Variants in PDZRN4 observed in about 807,000 individuals in gnomAD.
PDZRN4 encodes the protein PDZ domain-containing RING finger protein 4.
Under a neutral mutation model 99.0 loss-of-function variants are expected in PDZRN4, and 70 were observed. The ratio of observed to expected loss-of-function variants is 0.71; its 90% CI spans 0.58 to 0.86. PDZRN4 has a LOEUF of 0.86. PDZRN4 is among the 40% of genes least tolerant of loss of function. The pLI, the probability that PDZRN4 is intolerant of heterozygous loss-of-function variation, is 0.00. For synonymous variants in PDZRN4, 551 were observed against 501.6 expected, an observed-to-expected ratio of 1.10 and a Z score of -1.32; for missense variants, 1,474 against 1,331.2, an observed-to-expected ratio of 1.11 and a Z score of -1.67.
chr12:41,551,172 T>G (rs1442301891), intron 5 of PDZRN4, among the ~76,000 whole-genome samples: 1 of 152,106 alleles, frequency 6.6e-6, no homozygotes, highest in Non-Finnish European at 1.5e-5. Context: ...GGTGAGGGCC[T>G]GTTCCTCATA....
intron 9 of PDZRN4, among the ~76,000 whole-genome samples, chr12:41,569,172 T>A (rs1011726849): frequency 2.6e-5 from 4 of 151,392 alleles, no homozygotes; most frequent in Non-Finnish European, 2.9e-5. Flanking sequence ...CAGGCTGGAG[T>A]GCAGTGACAC....
At chr12:41,270,599 C>T (rs2120858207) in intron 3 of PDZRN4, among the ~76,000 whole-genome samples, 1 of 152,192 alleles carries the variant, frequency 6.6e-6, no homozygotes, top group African/African-American at 2.4e-5. Context: ...TTTATTCCAT[C>T]TTATCTTCAC....
chr12:41,439,455 T>C (rs569776722), intron 3 of PDZRN4, among the ~76,000 whole-genome samples: 3 of 152,242 alleles, frequency 2.0e-5, no homozygotes, highest in Admixed American at 1.3e-4. Context: ...TTAATCTGAA[T>C]TACTAAATTT....
intron 3 of PDZRN4, among the ~76,000 whole-genome samples, chr12:41,317,573 T>C (rs1413096917): frequency 6.6e-6 from 1 of 152,138 alleles, no homozygotes; most frequent in Admixed American, 6.6e-5. Context: ...TGAGATTGTT[T>C]TTTTCCTTTG....
chr12:41,207,852 G>GT (rs1389799039), intron 3 of PDZRN4, among the ~76,000 whole-genome samples: 1 of 151,656 alleles, frequency 6.6e-6, no homozygotes, highest in Non-Finnish European at 1.5e-5. Flanking sequence ...TAAACATGCT[G>GT]TAACATTTTG....
intron 3 of PDZRN4, among the ~76,000 whole-genome samples, chr12:41,456,385 C>G (rs964165782): frequency 6.6e-6 from 1 of 151,928 alleles, no homozygotes. Flanking sequence ...TTTTCACTGC[C>G]CTACCTCATC....
intron 3 of PDZRN4, among the ~76,000 whole-genome samples, chr12:41,395,345 G>A (rs1163695997): frequency 1.3e-5 from 2 of 152,158 alleles, no homozygotes; most frequent in African/African-American, 4.8e-5. Flanking sequence ...GGAGAAATGG[G>A]AGACATAAAG....
At position 41,574,502 on chromosome 12, in the gene PDZRN4, T is replaced by C. The variant is rs1468188319; in HGVS notation, c.*612T>C. On this transcript the variant is annotated 3_prime_UTR_variant, in exon 10 of 10. Coordinates refer to ENST00000402685, the MANE Select transcript of PDZRN4 (RefSeq NM_001164595.2). Reference sequence around the variant, plus strand: ...GTAGGTGGACAATCTTCCTGTGATATGTAGTGACATTGGTCATGTAGCTAG... The same window carrying C: ...GTAGGTGGACAATCTTCCTGTGATACGTAGTGACATTGGTCATGTAGCTAG... 2 of 152,666 alleles carry C rather than the reference T, an allele frequency of 1.3e-5. No individual in the cohort carries two copies. Among genetic ancestry groups the C allele is most frequent in the Non-Finnish European group, 2.9e-5 (2 of 68,046 alleles). 9.5% of individuals were successfully genotyped at this position (152,666 alleles called of 1,614,324 possible).
intron 4 of PDZRN4, among the ~76,000 whole-genome samples, chr12:41,507,534 C>T (rs1201975527): frequency 1.3e-5 from 2 of 152,090 alleles, no homozygotes; most frequent in Non-Finnish European, 2.9e-5. Context: ...ACTTTCCTGC[C>T]CTTTGATGGC....
Position 41,188,489 on chromosome 12 carries a change from G to A in PDZRN4, c.34G>A (p.Val12Met), listed in dbSNP as rs780022184. 7 of 1,592,238 alleles carry A rather than the reference G, an allele frequency of 4.4e-6. No individual in the cohort carries two copies. The highest frequency in any genetic ancestry group is 2.3e-5 in the East Asian group (1 of 44,264). The stretch of plus-strand genomic sequence containing the variant: ...TGCCCTGGAGCGCTTCGCAGAAGCC[G>A]TGGACCCGGCTCTGGAGTGCAAACT... ...GFALERFAEA[V>M]DPALECKLCG... The change falls in exon 1 of 10, where the codon GTG becomes ATG. Residue 12 changes from valine (V) to methionine (M), a missense_variant. Physicochemically the swap from Val to Met is conservative, Grantham distance 21. Coordinates refer to ENST00000402685, the MANE Select transcript of PDZRN4 (RefSeq NM_001164595.2).
intron 3 of PDZRN4, among the ~76,000 whole-genome samples, chr12:41,446,920 T>A (rs976464283): frequency 2.0e-5 from 3 of 151,598 alleles, no homozygotes; most frequent in African/African-American, 7.3e-5. Context: ...GTGTTTGATG[T>A]CCAGGATGTA....
At chr12:41,530,221 A>G (rs1395753995) in intron 5 of PDZRN4, among the ~76,000 whole-genome samples, 2 of 152,250 alleles carry the variant, frequency 1.3e-5, no homozygotes, top group East Asian at 1.9e-4. Context: ...CATGATCATG[A>G]CATTGCAGTT....
intron 3 of PDZRN4, among the ~76,000 whole-genome samples, chr12:41,330,361 G>C (rs1951734575): frequency 6.6e-6 from 1 of 151,896 alleles, no homozygotes; most frequent in Admixed American, 6.6e-5. Flanking sequence ...TGAACCACCT[G>C]ACCTGACTAT....
chr12:41,550,334 C>T lies in PDZRN4; in HGVS notation c.1204-2322C>T, dbSNP rs118002379. On this transcript the variant is annotated intron_variant, in intron 5 of 9. Transcript: ENST00000402685. ...TGATTTAAAGGTCCCAATCTCAGCT[C>T]GTTTTGGAGTGTGTAGTTTTCCTTA... Among the ~76,000 whole-genome samples the T allele has an allele frequency of 4.2e-4, 64 of 152,242 alleles. 2 individuals are homozygous for T. The East Asian group carries it at 0.012, about 29-fold the overall frequency.
intron 3 of PDZRN4, among the ~76,000 whole-genome samples, chr12:41,324,266 CA>C (rs560871131): frequency 1.0e-4 from 15 of 150,496 alleles, no homozygotes; most frequent in South Asian, 2.1e-4. Context: ...TCTTACTATA[CA>C]AAAAAAAATA....
Position 41,194,127 on chromosome 12 carries a change from T to A in PDZRN4, c.782T>A (p.Ile261Asn). The change falls in exon 3 of 10, where the codon ATT (isoleucine) becomes AAT (asparagine). Residue 261 changes from isoleucine (I) to asparagine (N), a missense_variant. Ile to Asn is a moderately radical substitution (Grantham distance 149, BLOSUM62 -3). Transcript: ENST00000402685. ...ACTGAAGGAATTTACGTTTCAAAAA[T>A]TTTAGAAAATGGACCTGCTGACAGA... The part of the protein sequence containing the change: ...TSTEGIYVSK[I>N]LENGPADRAD... The A allele has an allele frequency of 1.3e-6, 2 of 1,574,790 alleles. No homozygotes were observed. Among genetic ancestry groups the A allele is most frequent in the Non-Finnish European group, 1.7e-6 (2 of 1,157,368 alleles).
At chr12:41,282,199 CA>C (rs765031792) in intron 3 of PDZRN4, among the ~76,000 whole-genome samples, 17 of 150,460 alleles carry the variant, frequency 1.1e-4, no homozygotes, top group African/African-American at 3.7e-4. Context: ...AAATGGAAAG[CA>C]AAAAAAACAG....
At chr12:41,489,092 GA>G (rs1373975757) in intron 3 of PDZRN4, among the ~76,000 whole-genome samples, 2 of 152,244 alleles carry the variant, frequency 1.3e-5, no homozygotes, top group African/African-American at 4.8e-5. Flanking sequence ...TATTTTTTGA[GA>G]TTTTTTTAGC....
At chr12:41,516,790 G>A (rs576598262) in intron 5 of PDZRN4, among the ~76,000 whole-genome samples, 1 of 149,924 alleles carries the variant, frequency 6.7e-6, no homozygotes, top group Non-Finnish European at 1.5e-5. Flanking sequence ...TTTTACTTTC[G>A]AAAGTATCCT....
Sources: allele counts gnomAD v4.1 joint callset (sites outside exome capture counted in the v4.1 genomes callset), GRCh38; gene constraint gnomAD v4.1.1; transcripts MANE v1.5; gene names NCBI Gene and HGNC (gene_info 2026-07-23, HGNC 2026-07-21).